Variants in FBXO9 observed in about 807,000 individuals in gnomAD.
FBXO9 encodes F-box protein 9.
In FBXO9, 43 loss-of-function variants were observed where a neutral mutation model predicts 63.7. The ratio of observed to expected loss-of-function variants is 0.67; its 90% CI spans 0.53 to 0.87. The LOEUF (loss-of-function observed/expected upper bound fraction) is 0.87. FBXO9 is among the 40% of genes least tolerant of loss of function. FBXO9 has a pLI of 0.00. For synonymous variants in FBXO9, 156 were observed against 171.7 expected (o/e 0.91, Z 0.72); for missense variants, 442 against 533.2 (o/e 0.83, Z 1.68).
At chr6:53,082,119 C>A (rs796316128) in intron 6 of FBXO9, among the ~76,000 whole-genome samples, 1 of 151,846 alleles carries the variant, frequency 6.6e-6, no homozygotes, top group Non-Finnish European at 1.5e-5. Flanking sequence ...TTGTTTGGTT[C>A]GGGGCTTTTT....
At chr6:53,081,564 C>G (rs1005018290) in intron 6 of FBXO9, among the ~76,000 whole-genome samples, 1 of 152,210 alleles carries the variant, frequency 6.6e-6, no homozygotes, top group Non-Finnish European at 1.5e-5. Context: ...TGAGGCACTG[C>G]GCCCAGCCCA....
At chr6:53,066,762 T>C (rs554228743) in intron 1 of FBXO9, among the ~76,000 whole-genome samples, 1 of 152,358 alleles carries the variant, frequency 6.6e-6, no homozygotes, top group Admixed American at 6.5e-5. Flanking sequence ...AGACATGGAC[T>C]ACTCATACAC....
chr6:53,097,889 G>C lies in FBXO9; in HGVS notation c.*59G>C. ...GAATTAAAGTATATAGCGCAAAAGA[G>C]CACCTAAGTTATAAATGTGTGTGTG... is the stretch of plus-strand genomic sequence containing the variant. On this transcript the variant is annotated 3_prime_UTR_variant, in exon 13 of 13. Coordinates refer to ENST00000323557, the MANE Select transcript of FBXO9 (RefSeq NM_033480.3). 1 of 667,224 alleles carries C rather than the reference G, an allele frequency of 1.5e-6. No homozygotes were observed. The highest frequency in any genetic ancestry group is 2.3e-6 in the Non-Finnish European group (1 of 428,550). 41.3% of individuals were successfully genotyped at this position (667,224 alleles called of 1,614,324 possible). A position where few individuals can be genotyped will look rare whatever the true frequency, so the allele number is the denominator to read the frequency against.
intron 4 of FBXO9, among the ~76,000 whole-genome samples, chr6:53,078,219 T>C (rs1348010862): frequency 2.0e-5 from 3 of 152,186 alleles, no homozygotes; most frequent in South Asian, 2.1e-4. Context: ...TTTGGCAGGC[T>C]GAGGCGGGAG....
intron 12 of FBXO9, among the ~76,000 whole-genome samples, chr6:53,096,379 C>T (rs1295411759): frequency 1.3e-5 from 2 of 152,302 alleles, no homozygotes; most frequent in East Asian, 3.9e-4. Context: ...CTGCTTGAAT[C>T]TAAAATTCCG....
At chr6:53,078,942 A>C in intron 5 of FBXO9, 44 bp downstream of exon 5, 1 of 1,438,558 alleles carries the variant, frequency 7.0e-7, no homozygotes, top group Non-Finnish European at 9.8e-7. Context: ...GAGTTTGTTA[A>C]AGTTAAGCAT....
Position 53,082,566 on chromosome 6 carries a change from A to C in FBXO9, c.601A>C (p.Arg201=). The change falls in exon 7 of 13, where the codon AGA becomes CGA. Residue 201 remains arginine, a synonymous_variant. Transcript: ENST00000323557. ...RWVVSSDLDL[R]SLEQLSLVCR... ...GGTGGTGTCTAGTGACTTGGACCTC[A>C]GATCATTGGAGCAGTTGTCGCTGGT... 6.2e-7 allele frequency: 1 copy of C among 1,613,806 alleles called. No homozygotes were observed. The highest frequency in any genetic ancestry group is 8.5e-7 in the Non-Finnish European group (1 of 1,179,760).
chr6:53,089,059 G>GTT (rs575219161), intron 7 of FBXO9, among the ~76,000 whole-genome samples: 3 of 147,974 alleles, frequency 2.0e-5, no homozygotes, highest in African/African-American at 7.4e-5. Context: ...CCCTAGTGGG[G>GTT]TTTTTTTTTG....
Position 53,097,765 on chromosome 6 carries a change from A to G in FBXO9, c.1249A>G (p.Met417Val). 2 of 1,607,926 alleles carry G rather than the reference A, an allele frequency of 1.2e-6. No individual in the cohort carries two copies. The highest frequency in any genetic ancestry group is 1.7e-6 in the Non-Finnish European group (2 of 1,176,764). Residue 417 changes from methionine (M) to valine (V), a missense_variant, in exon 13 of 13, where the codon ATG becomes GTG. Transcript: ENST00000323557. ...TAVSAFEIDK[M>V]YTPLFFARVR... ...AGTCAGTGCTTTTGAGATTGACAAG[A>G]TGTACACCCCCTTGTTCTTCGCCAG... is the stretch of plus-strand genomic sequence containing the variant.
chr6:53,081,623 G>A (rs970030277), intron 6 of FBXO9, among the ~76,000 whole-genome samples: 2 of 152,188 alleles, frequency 1.3e-5, no homozygotes, highest in Non-Finnish European at 2.9e-5. Context: ...TAGTGCTGTT[G>A]TTTAAGGATG....
chr6:53,065,824 C>T (rs769925829), intron 1 of FBXO9, 32 bp downstream of exon 1: 30 of 1,325,590 alleles, frequency 2.3e-5, no homozygotes, highest in Admixed American at 7.5e-5. Context: ...AGGGTGGACG[C>T]CGCGGGGCGG....
intron 12 of FBXO9, among the ~76,000 whole-genome samples, chr6:53,095,974 A>T (rs142771781): frequency 6.6e-6 from 1 of 152,346 alleles, no homozygotes; most frequent in South Asian, 2.1e-4. Context: ...TGAGCTGTCC[A>T]TGTATGACTT....
chr6:53,078,940 T>A (rs1769214849), intron 5 of FBXO9, 42 bp downstream of exon 5: 1 of 1,460,494 alleles, frequency 6.8e-7, no homozygotes, highest in African/African-American at 1.4e-5. Flanking sequence ...TAGAGTTTGT[T>A]AAAGTTAAGC....
rs1420600614 is a variant in FBXO9, at chr6:53,093,784, C to T, written c.960-101C>T. 11 of 1,000,120 alleles carry T rather than the reference C, an allele frequency of 1.1e-5. No homozygotes were observed. In the South Asian group the frequency reaches 1.7e-4, roughly 16 times the overall value. The allele number at this position is 1,000,120 out of a possible 1,614,324, so 62.0% of individuals were successfully genotyped here. ...GAGTTTTACTCAATCCTAGCTGATT[C>T]TTTTCAAGCAAGAGTAAACACTGTT... On this transcript the variant is annotated intron_variant, in intron 10 of 12. Coordinates refer to ENST00000323557, the MANE Select transcript of FBXO9 (RefSeq NM_033480.3).
chr6:53,069,957 G>A (rs926024523), intron 1 of FBXO9, among the ~76,000 whole-genome samples: 7 of 146,904 alleles, frequency 4.8e-5, no homozygotes, highest in African/African-American at 1.8e-4. Context: ...AAATACCAAA[G>A]ATGTTCTAAT....
chr6:53,075,668 A>G (rs1769071491), intron 3 of FBXO9, among the ~76,000 whole-genome samples: 1 of 149,516 alleles, frequency 6.7e-6, no homozygotes, highest in East Asian at 2.0e-4. Flanking sequence ...TTCATCTATT[A>G]ATATATATTC....
At chr6:53,068,825 T>C (rs114029144) in intron 1 of FBXO9, among the ~76,000 whole-genome samples, 310 of 152,180 alleles carry the variant, frequency 2.0e-3, no homozygotes, top group African/African-American at 7.2e-3. Context: ...AATTTTTGTA[T>C]TTTTTGTAGA....
Position 53,092,518 on chromosome 6 carries a change from T to C in FBXO9, c.743T>C (p.Phe248Ser). ...LVPYTSWREM[F>S]LERPRVRFDG... ...CCGTACACGTCCTGGAGAGAGATGTTTTTAGAACGGCCTCGTGTTCGGTTT... is the reference window on the plus strand; with the variant it reads ...CCGTACACGTCCTGGAGAGAGATGTCTTTAGAACGGCCTCGTGTTCGGTTT... Residue 248 changes from phenylalanine (F) to serine (S), a missense_variant, in exon 8 of 13, where the codon TTT (phenylalanine) becomes TCT (serine). By Grantham distance (155) the Phe-to-Ser change is radical. Coordinates refer to ENST00000323557, the MANE Select transcript of FBXO9 (RefSeq NM_033480.3). 1.2e-6 allele frequency: 2 copies of C among 1,613,870 alleles called. No individual in the cohort carries two copies. The highest frequency in any genetic ancestry group is 1.7e-6 in the Non-Finnish European group (2 of 1,179,816).
At chr6:53,088,763 C>A (rs1277722109) in intron 7 of FBXO9, among the ~76,000 whole-genome samples, 1 of 151,924 alleles carries the variant, frequency 6.6e-6, no homozygotes, top group Non-Finnish European at 1.5e-5. Context: ...CACCGCCTGG[C>A]TAATTTTTGT....
Sources: gnomAD v4.1 joint callset for allele counts (sites outside exome capture counted in the v4.1 genomes callset) on GRCh38, gnomAD v4.1.1 for gene constraint, MANE v1.5 for transcripts, NCBI Gene and HGNC (gene_info 2026-07-23, HGNC 2026-07-21) for gene names.